The following CAPN13 variants were observed in gnomAD, a reference collection of about 807,000 sequenced individuals.
CAPN13 encodes the protein calpain-13.
CAPN13 carries 90 observed loss-of-function variants against 98.4 expected under a neutral mutation model. The observed-to-expected ratio is 0.92, with a 90% confidence interval of 0.77 to 1.09. The LOEUF is 1.09. CAPN13 is among the 50% of genes least tolerant of loss of function. The pLI is 0.00. For missense variants in CAPN13, 887 were observed against 841.3 expected (o/e 1.05, Z -0.67); for synonymous variants, 330 against 305.5 (o/e 1.08, Z -0.84).
chr2:30,803,630 G>C (rs1486603191), intron 1 of CAPN13, among the ~76,000 whole-genome samples: 1 of 152,180 alleles, frequency 6.6e-6, no homozygotes, highest in Non-Finnish European at 1.5e-5. Flanking sequence ...GAGGCAGCTC[G>C]TCACCCCAGC....
chr2:30,798,760 A>T (rs1044180679), intron 1 of CAPN13, among the ~76,000 whole-genome samples: 1 of 152,002 alleles, frequency 6.6e-6, no homozygotes, highest in African/African-American at 2.4e-5. Flanking sequence ...TGGTGCCCAA[A>T]CCCTGCACGA....
intron 12 of CAPN13, chr2:30,745,184 G>C: frequency 4.2e-6 from 2 of 472,192 alleles, no homozygotes; most frequent in South Asian, 1.5e-5. Flanking sequence ...TGTGAGGATA[G>C]GTATTCCAAA....
At chr2:30,783,618 C>T (rs542378981) in intron 2 of CAPN13, among the ~76,000 whole-genome samples, 1 of 152,312 alleles carries the variant, frequency 6.6e-6, no homozygotes, top group Non-Finnish European at 1.5e-5. Flanking sequence ...AAGCCTGGTT[C>T]TCATGCCCCT....
chr2:30,731,880 C>T (rs1010138050), intron 20 of CAPN13, among the ~76,000 whole-genome samples: 2 of 152,192 alleles, frequency 1.3e-5, no homozygotes, highest in African/African-American at 4.8e-5. Context: ...CGTGGCATGG[C>T]GGTGAGAGGA....
At chr2:30,734,329 G>C in intron 19 of CAPN13, 120 bp downstream of exon 19, 1 of 740,680 alleles carries the variant, frequency 1.4e-6, no homozygotes, top group Non-Finnish European at 2.3e-6. Context: ...GGACACGAGA[G>C]CTGCAGCGCT....
intron 5 of CAPN13, among the ~76,000 whole-genome samples, chr2:30,768,378 G>T (rs1156905574): frequency 6.6e-6 from 1 of 152,216 alleles, no homozygotes; most frequent in Non-Finnish European, 1.5e-5. Context: ...GAAATGTGGA[G>T]CGAGGAGGCA....
chr2:30,805,534 G>A (rs768415006), intron 1 of CAPN13, among the ~76,000 whole-genome samples: 1 of 152,028 alleles, frequency 6.6e-6, no homozygotes, highest in African/African-American at 2.4e-5. Flanking sequence ...CTTGCCATGT[G>A]CTCAAGTACT....
intron 12 of CAPN13, 160 bp from the exon 13 acceptor site, chr2:30,743,739 CA>C (rs1313473766): frequency 9.6e-6 from 7 of 730,254 alleles, no homozygotes; most frequent in Admixed American, 2.0e-5. Context: ...TCTCAAAAAG[CA>C]GTAGTGTTTA....
At chr2:30,734,704 G>A (rs1214758861) in intron 18 of CAPN13, among the ~76,000 whole-genome samples, 180 bp from the exon 19 acceptor site, 2 of 152,190 alleles carry the variant, frequency 1.3e-5, no homozygotes, top group African/African-American at 4.8e-5. Context: ...CCGCTGAGGG[G>A]CTGTGGCTGC....
intron 15 of CAPN13, chr2:30,741,488 G>A: frequency 2.9e-6 from 3 of 1,029,332 alleles, no homozygotes; most frequent in Non-Finnish European, 3.5e-6. Flanking sequence ...GTGCACATAG[G>A]TGGTTTGGCA....
chr2:30,800,774 G>C (rs1194445286), intron 1 of CAPN13, among the ~76,000 whole-genome samples: 1 of 152,126 alleles, frequency 6.6e-6, no homozygotes, highest in African/African-American at 2.4e-5. Context: ...ACTTGTCTTT[G>C]CATGGAAATC....
chr2:30,740,326 C>G (rs888189146), intron 15 of CAPN13, among the ~76,000 whole-genome samples: 5 of 152,156 alleles, frequency 3.3e-5, no homozygotes, highest in African/African-American at 9.7e-5. Flanking sequence ...AATTCCTGAC[C>G]TCCCGATCCA....
At chr2:30,741,291 G>A in intron 15 of CAPN13, 1 of 771,814 alleles carries the variant, frequency 1.3e-6, no homozygotes, top group Non-Finnish European at 1.6e-6. Flanking sequence ...CATCCTTCCT[G>A]TCCTTGGCCT....
intron 13 of CAPN13, 56 bp from the exon 14 acceptor site, chr2:30,742,415 C>T (rs1305476980): frequency 6.4e-7 from 1 of 1,571,428 alleles, no homozygotes; most frequent in Non-Finnish European, 8.7e-7. Context: ...TCAAAGGGGG[C>T]CTGCATATAG....
chr2:30,802,934 G>A (rs1675375191), intron 1 of CAPN13, among the ~76,000 whole-genome samples: 1 of 152,322 alleles, frequency 6.6e-6, no homozygotes, highest in Admixed American at 6.5e-5. Flanking sequence ...TTGAGGACAG[G>A]TCTGAGGGGA....
intron 1 of CAPN13, among the ~76,000 whole-genome samples, chr2:30,804,037 T>C (rs1038150803): frequency 2.0e-5 from 3 of 152,196 alleles, no homozygotes; most frequent in Non-Finnish European, 4.4e-5. Context: ...ACAGGGTTTG[T>C]GCAAAGCAAA....
chr2:30,748,876 A>G (rs1393905240), intron 11 of CAPN13, among the ~76,000 whole-genome samples: 3 of 152,098 alleles, frequency 2.0e-5, no homozygotes, highest in African/African-American at 7.2e-5. Flanking sequence ...TGGGAAATGG[A>G]AATATGGTCA....
chr2:30,738,510 A>C lies in CAPN13; in HGVS notation c.1537-53T>G, dbSNP rs543614208. The C allele has an allele frequency of 8.5e-6, 13 of 1,533,320 alleles. No homozygotes were observed. In the Admixed American group the frequency reaches 2.3e-4, roughly 27 times the overall value. The allele number at this position is 1,533,320 out of a possible 1,614,324, so 95.0% of individuals were successfully genotyped here. A position where few individuals can be genotyped will look rare whatever the true frequency, so the allele number is the denominator to read the frequency against. On this transcript the variant is annotated intron_variant, in intron 15 of 22. Coordinates refer to ENST00000295055, the MANE Select transcript of CAPN13 (RefSeq NM_144575.3). ...AATTATATCAGTGCCAGGATCTGAG[A>C]GGCACATCTGCCTGCCGTGTAAAAG...
At chr2:30,768,979 G>A (rs1034592866) in intron 5 of CAPN13, among the ~76,000 whole-genome samples, 2 of 151,850 alleles carry the variant, frequency 1.3e-5, no homozygotes, top group African/African-American at 2.4e-5. Context: ...GCCTCTGAAG[G>A]ACAACCTGAC....
Sources: allele counts gnomAD v4.1 joint callset (sites outside exome capture counted in the v4.1 genomes callset), GRCh38; gene constraint gnomAD v4.1.1; transcripts MANE v1.5; gene names NCBI Gene and HGNC (gene_info 2026-07-23, HGNC 2026-07-21).